Variants in PCDH11X observed in about 807,000 individuals in gnomAD.
PCDH11X encodes the protein protocadherin 11 X-linked.
PCDH11X carries 18 observed loss-of-function variants against 53.3 expected under a neutral mutation model. That is an observed-to-expected ratio of 0.34 (90% CI 0.23 to 0.50). The LOEUF (loss-of-function observed/expected upper bound fraction) is 0.50. Among genes scored for constraint, PCDH11X ranks in the 20% least tolerant of loss-of-function variants. The pLI, the probability that PCDH11X is intolerant of heterozygous loss-of-function variation, is 0.98. For missense variants in PCDH11X, 570 were observed against 1,032.4 expected, an observed-to-expected ratio of 0.55 and a Z score of 6.14; for synonymous variants, 279 against 393.3, an observed-to-expected ratio of 0.71 and a Z score of 3.44.
At chrX:92,147,023 G>A (rs1409998818) in intron 6 of PCDH11X, among the ~76,000 whole-genome samples, 1 of 110,267 alleles carries the variant, frequency 9.1e-6, no homozygotes, top group Admixed American at 9.7e-5. Flanking sequence ...AATACTCAGA[G>A]ACTGAAGCTA....
intron 8 of PCDH11X, among the ~76,000 whole-genome samples, chrX:92,317,133 A>G (rs1385412918): frequency 9.0e-6 from 1 of 110,960 alleles, no homozygotes; most frequent in East Asian, 2.8e-4. Context: ...AATGTTAACT[A>G]AAAAGAATGT....
chrX:92,435,962 C>A (rs1189637767), intron 9 of PCDH11X, among the ~76,000 whole-genome samples: 1 of 109,041 alleles, frequency 9.2e-6, no homozygotes, highest in African/African-American at 3.3e-5. Flanking sequence ...TGTAAATTGG[C>A]TAAATATCCC....
At chrX:92,403,329 G>GTTTTTTTTTTTTTTTTTT (rs1178198433) in intron 9 of PCDH11X, among the ~76,000 whole-genome samples, 5 of 58,816 alleles carry the variant, frequency 8.5e-5, no homozygotes, top group Admixed American at 2.6e-4. Flanking sequence ...GGGCATTTAC[G>GTTTTTTTTTTTTTTTTTT]TTTTTTTTTG....
intron 10 of PCDH11X, among the ~76,000 whole-genome samples, chrX:92,590,192 T>C (rs1053798302): frequency 3.6e-5 from 4 of 109,821 alleles, no homozygotes; most frequent in Non-Finnish European, 7.6e-5. Context: ...CCAAACTGCC[T>C]TTGAAAAACA....
At chrX:92,559,680 T>C (rs1317971286) in intron 10 of PCDH11X, among the ~76,000 whole-genome samples, 1 of 110,706 alleles carries the variant, frequency 9.0e-6, no homozygotes, top group African/African-American at 3.3e-5. Flanking sequence ...GACTTTACAT[T>C]GAACTTAGTC....
At chrX:92,437,128 C>G (rs1479202989) in intron 9 of PCDH11X, among the ~76,000 whole-genome samples, 1 of 110,484 alleles carries the variant, frequency 9.1e-6, no homozygotes, top group East Asian at 2.8e-4. Context: ...ATATATACAC[C>G]TACTCTGTAC....
At chrX:91,940,804 A>G (rs2061499921) in intron 6 of PCDH11X, among the ~76,000 whole-genome samples, 1 of 107,923 alleles carries the variant, frequency 9.3e-6, no homozygotes, top group Admixed American at 1.0e-4. Context: ...AAGTGTTGGA[A>G]TTATAGGTGT....
chrX:91,907,843 C>G (rs1941236299), intron 6 of PCDH11X, among the ~76,000 whole-genome samples: 1 of 111,256 alleles, frequency 9.0e-6, no homozygotes, highest in Admixed American at 9.6e-5. Context: ...TTCATGTGCT[C>G]TCATCATTTA....
intron 6 of PCDH11X, among the ~76,000 whole-genome samples, chrX:92,080,703 A>G (rs1276741724): frequency 9.1e-6 from 1 of 109,869 alleles, no homozygotes; most frequent in Non-Finnish European, 1.9e-5. Context: ...AGTTTTTTCA[A>G]TACAAGTTTT....
chrX:92,256,930 C>A (rs1191782487), intron 7 of PCDH11X, among the ~76,000 whole-genome samples: 1 of 111,256 alleles, frequency 9.0e-6, no homozygotes, highest in Non-Finnish European at 1.9e-5. Flanking sequence ...TTTTTTCAAG[C>A]AAAAGGAATT....
intron 8 of PCDH11X, among the ~76,000 whole-genome samples, chrX:92,298,127 T>A (rs1230326630): frequency 4.5e-5 from 5 of 111,893 alleles, no homozygotes; most frequent in Non-Finnish European, 9.4e-5. Context: ...CCTATTTGGA[T>A]GCCTTTTATT....
intron 6 of PCDH11X, among the ~76,000 whole-genome samples, chrX:91,945,812 T>C (rs1486459198): frequency 1.8e-5 from 2 of 110,366 alleles, no homozygotes; most frequent in Non-Finnish European, 3.8e-5. Flanking sequence ...CATTTTGAAA[T>C]TGCTGCATGT....
chrX:91,835,838 G>T lies in PCDH11X; in HGVS notation c.334G>T (p.Val112Phe). 1 of 1,210,173 alleles carries T rather than the reference G, an allele frequency of 8.3e-7. No individual in the cohort carries two copies. Among genetic ancestry groups the T allele is most frequent in the Non-Finnish European group, 1.1e-6 (1 of 895,059 alleles). ...RDEHCFYEVEVAILPDEIFRL... is the reference protein window; with the variant it reads ...RDEHCFYEVEFAILPDEIFRL... ...TGAGCATTGCTTTTATGAAGTGGAG[G>T]TTGCCATTTTGCCGGATGAAATATT... The change falls in exon 5 of 11, where the codon GTT becomes TTT. Residue 112 changes from valine to phenylalanine, a missense_variant. Val to Phe is a conservative substitution (Grantham distance 50). Around this residue, in one of 6 missense-constraint regions of PCDH11X, gnomAD observed 84 missense variants for 142.0 expected, o/e 0.59. Coordinates refer to ENST00000682573, the MANE Select transcript of PCDH11X (RefSeq NM_032968.5).
At chrX:91,957,623 C>G (rs761260717) in intron 6 of PCDH11X, among the ~76,000 whole-genome samples, 2 of 111,138 alleles carry the variant, frequency 1.8e-5, no homozygotes, top group East Asian at 2.8e-4. Flanking sequence ...GCAAAGATAA[C>G]AGCCAGATCC....
intron 5 of PCDH11X, among the ~76,000 whole-genome samples, chrX:91,854,426 A>G (rs1213466620): frequency 8.9e-6 from 1 of 112,290 alleles, no homozygotes; most frequent in Non-Finnish European, 1.9e-5. Context: ...TTGCTTCCAA[A>G]TCTTGGCTAC....
At position 92,012,977 on chromosome X, in the gene PCDH11X, G is replaced by A. The variant is rs186447365; in HGVS notation, c.3033+133704G>A. 3.0e-3 allele frequency among the ~76,000 whole-genome samples: 336 copies of A among 111,740 alleles called. 2 individuals are homozygous for A. The highest frequency in any genetic ancestry group is 3.0e-3 in the Non-Finnish European group (158 of 53,171). On this transcript the variant is annotated intron_variant, in intron 6 of 10. Coordinates refer to ENST00000682573, the MANE Select transcript of PCDH11X (RefSeq NM_032968.5). ...TCCCTTTGAAAACTGGCACAAGACAGGGATGCCCTCTCTCACCACTCCTTT... is the reference window on the plus strand; with the variant it reads ...TCCCTTTGAAAACTGGCACAAGACAAGGATGCCCTCTCTCACCACTCCTTT...
chrX:92,521,531 T>C (rs752259244), intron 10 of PCDH11X, among the ~76,000 whole-genome samples: 10 of 112,351 alleles, frequency 8.9e-5, no homozygotes, highest in Middle Eastern at 4.6e-3. Flanking sequence ...TTTAGCGTAA[T>C]TCTTAAGTGC....
At chrX:91,893,702 T>C (rs1323184884) in intron 6 of PCDH11X, among the ~76,000 whole-genome samples, 1 of 110,842 alleles carries the variant, frequency 9.0e-6, no homozygotes, top group Non-Finnish European at 1.9e-5. Flanking sequence ...ATCAAAGTTA[T>C]CAATTTCGGG....
intron 7 of PCDH11X, among the ~76,000 whole-genome samples, chrX:92,219,477 A>C (rs79803845): frequency 0.58 from 62,806 of 108,812 alleles, 15,221 homozygotes; most frequent in Middle Eastern, 0.78. Flanking sequence ...ATACCTAGGA[A>C]TCCAACTTAC....
Sources: gnomAD v4.1 joint callset for allele counts (sites outside exome capture counted in the v4.1 genomes callset) on GRCh38, gnomAD v4.1.1 for gene constraint, gnomAD v4.1.1 regional missense constraint, MANE v1.5 for transcripts, NCBI Gene and HGNC (gene_info 2026-07-23, HGNC 2026-07-21) for gene names.